The following NRG3 variants were observed in gnomAD, a reference collection of about 807,000 sequenced individuals.
The protein encoded by NRG3 is pro-neuregulin-3, membrane-bound isoform.
NRG3 carries 31 observed loss-of-function variants against 66.9 expected under a neutral mutation model. The observed-to-expected ratio is 0.46, with a 90% CI of 0.35 to 0.63. The LOEUF (loss-of-function observed/expected upper bound fraction) is 0.63. Among genes scored for constraint, NRG3 ranks in the 20% least tolerant of loss-of-function variants. The pLI, the probability that NRG3 is intolerant of heterozygous loss-of-function variation, is 0.00. For missense variants in NRG3, 910 were observed against 878.9 expected, an observed-to-expected ratio of 1.04 and a Z score of -0.45; for synonymous variants, 393 against 359.4, an observed-to-expected ratio of 1.09 and a Z score of -1.06.
intron 1 of NRG3, among the ~76,000 whole-genome samples, chr10:81,999,356 T>G (rs2061075916): frequency 6.6e-6 from 1 of 152,176 alleles, no homozygotes; most frequent in Non-Finnish European, 1.5e-5. Flanking sequence ...TTGAAAGAAG[T>G]ACGTTGGTGT....
chr10:82,939,522 A>G (rs933837286), intron 4 of NRG3, among the ~76,000 whole-genome samples: 1 of 151,908 alleles, frequency 6.6e-6, no homozygotes, highest in Non-Finnish European at 1.5e-5. Context: ...CCCAGGCTGG[A>G]GTGCAGTGGT....
At chr10:82,144,512 G>T (rs1164317759) in intron 1 of NRG3, among the ~76,000 whole-genome samples, 1 of 152,154 alleles carries the variant, frequency 6.6e-6, no homozygotes, top group Non-Finnish European at 1.5e-5. Context: ...GCAATTAGCA[G>T]CTATTCTTGG....
chr10:82,053,728 A>C (rs910259959), intron 1 of NRG3, among the ~76,000 whole-genome samples: 1 of 152,216 alleles, frequency 6.6e-6, no homozygotes, highest in African/African-American at 2.4e-5. Context: ...AAGTGAAATA[A>C]ACATTTTTTT....
chr10:82,913,758 C>T (rs1190934918), intron 4 of NRG3, among the ~76,000 whole-genome samples: 1 of 152,118 alleles, frequency 6.6e-6, no homozygotes, highest in East Asian at 1.9e-4. Context: ...TGATTTTGTG[C>T]AGATTTAACA....
At chr10:82,875,928 A>T (rs1841781973) in intron 4 of NRG3, among the ~76,000 whole-genome samples, 1 of 152,244 alleles carries the variant, frequency 6.6e-6, no homozygotes, top group Non-Finnish European at 1.5e-5. Flanking sequence ...AATAAATTCA[A>T]TTCTGAGATA....
chr10:82,281,643 CA>C (rs2079127022), intron 1 of NRG3, among the ~76,000 whole-genome samples: 1 of 152,132 alleles, frequency 6.6e-6, no homozygotes, highest in Non-Finnish European at 1.5e-5. Flanking sequence ...TGAGTCCTGA[CA>C]GTGAATCTAA....
At chr10:82,155,387 G>T (rs2071109952) in intron 1 of NRG3, among the ~76,000 whole-genome samples, 1 of 151,660 alleles carries the variant, frequency 6.6e-6, no homozygotes, top group Non-Finnish European at 1.5e-5. Context: ...CACTAATACT[G>T]CTGTTAGAGA....
At chr10:82,363,767 C>T (rs531808226) in intron 2 of NRG3, among the ~76,000 whole-genome samples, 66 of 152,184 alleles carry the variant, frequency 4.3e-4, no homozygotes, top group African/African-American at 1.6e-3. Flanking sequence ...CATAGACATG[C>T]TTGTGAATAT....
rs1202776070 is a variant in NRG3, at chr10:82,786,952, G to A, written c.1027+48302G>A. On this transcript the variant is annotated intron_variant, in intron 3 of 8. Coordinates refer to ENST00000372141, the MANE Select transcript of NRG3 (RefSeq NM_001010848.4). Reference sequence around the variant, plus strand: ...GGTATGATGCAGCAAGAAGGCTCTCGCTGTATGTGGGCCCCTTGACCTTCG... The same window carrying A: ...GGTATGATGCAGCAAGAAGGCTCTCACTGTATGTGGGCCCCTTGACCTTCG... Among the ~76,000 whole-genome samples, 6 of 152,026 alleles carry A rather than the reference G, an allele frequency of 3.9e-5. No individual in the cohort carries two copies. In the South Asian group the frequency reaches 6.2e-4, roughly 16 times the overall value.
At chr10:82,460,872 C>T (rs2091481365) in intron 2 of NRG3, among the ~76,000 whole-genome samples, 1 of 152,210 alleles carries the variant, frequency 6.6e-6, no homozygotes, top group Non-Finnish European at 1.5e-5. Context: ...GTCATCTGTT[C>T]AGGACGTATG....
intron 1 of NRG3, among the ~76,000 whole-genome samples, chr10:82,278,594 G>T (rs1439738493): frequency 6.6e-6 from 1 of 152,134 alleles, no homozygotes; most frequent in Admixed American, 6.6e-5. Context: ...GAGTGGGCAG[G>T]TTTTTGCTGG....
At chr10:82,232,588 A>G (rs749368790) in intron 1 of NRG3, 1 of 591,172 alleles carries the variant, frequency 1.7e-6, no homozygotes, top group Non-Finnish European at 3.1e-6. Context: ...TTACTAATAC[A>G]GACTTTCATT....
intron 1 of NRG3, among the ~76,000 whole-genome samples, chr10:82,306,013 C>T (rs1355137993): frequency 5.9e-5 from 9 of 152,154 alleles, no homozygotes; most frequent in Non-Finnish European, 1.5e-5. Context: ...AGCTAGTATC[C>T]ATCTGTTACT....
chr10:82,153,437 G>GTT (rs2070937505), intron 1 of NRG3, among the ~76,000 whole-genome samples: 2 of 150,024 alleles, frequency 1.3e-5, no homozygotes, highest in South Asian at 4.2e-4. Flanking sequence ...GTGTGTGTGT[G>GTT]TGTGTTTTCT....
intron 1 of NRG3, among the ~76,000 whole-genome samples, chr10:81,887,952 C>T (rs911186444): frequency 1.4e-4 from 22 of 152,082 alleles, no homozygotes; most frequent in Non-Finnish European, 2.8e-4. Context: ...AACTTCTATA[C>T]TTTTGATTTG....
chr10:82,173,466 T>A (rs1449214167), intron 1 of NRG3, among the ~76,000 whole-genome samples: 2 of 152,006 alleles, frequency 1.3e-5, no homozygotes, highest in East Asian at 3.9e-4. Context: ...AATGCAGTTG[T>A]CACATGCATA....
intron 1 of NRG3, among the ~76,000 whole-genome samples, chr10:81,916,423 T>C (rs547872019): frequency 1.2e-4 from 18 of 152,338 alleles, no homozygotes; most frequent in African/African-American, 4.3e-4. Context: ...AACTGTATGA[T>C]ACAGAAGCAG....
At chr10:82,423,598 G>C (rs2089224341) in intron 2 of NRG3, among the ~76,000 whole-genome samples, 1 of 151,974 alleles carries the variant, frequency 6.6e-6, no homozygotes, top group East Asian at 1.9e-4. Context: ...TTACCATTAT[G>C]AAAGTTTCAT....
chr10:82,789,144 T>C (rs1019303789), intron 3 of NRG3, among the ~76,000 whole-genome samples: 4 of 152,148 alleles, frequency 2.6e-5, no homozygotes, highest in Non-Finnish European at 4.4e-5. Flanking sequence ...TTTCTTCATA[T>C]TCTTACCAAC....
Sources: gnomAD v4.1 joint callset for allele counts (sites outside exome capture counted in the v4.1 genomes callset) on GRCh38, gnomAD v4.1.1 for gene constraint, MANE v1.5 for transcripts, NCBI Gene and HGNC (gene_info 2026-07-23, HGNC 2026-07-21) for gene names.